The following STXBP4 variants were observed in gnomAD, a reference collection of about 807,000 sequenced individuals.
STXBP4 encodes the protein syntaxin-binding protein 4.
In STXBP4, 55 loss-of-function variants were observed where a neutral mutation model predicts 76.1. That is an observed-to-expected ratio of 0.72 (90% CI 0.58 to 0.91). The LOEUF is 0.91. Ranked by LOEUF, STXBP4 falls within the 40% of genes least tolerant of loss-of-function variation. The pLI is 0.00. For synonymous variants in STXBP4, 201 were observed against 220.2 expected (o/e 0.91, Z 0.77); for missense variants, 618 against 636.9 (o/e 0.97, Z 0.32).
intron 8 of STXBP4, among the ~76,000 whole-genome samples, chr17:55,024,056 A>G (rs576190773): frequency 2.6e-5 from 4 of 152,314 alleles, no homozygotes; most frequent in African/African-American, 9.6e-5. Flanking sequence ...GCAGTTAAAT[A>G]TATGAAAAGA....
At chr17:55,062,100 A>T (rs1040102820) in intron 12 of STXBP4, among the ~76,000 whole-genome samples, 5 of 149,916 alleles carry the variant, frequency 3.3e-5, no homozygotes, top group African/African-American at 4.9e-5. Flanking sequence ...TTTTTTTTTT[A>T]AATATATATT....
At chr17:55,205,468 A>C in the STXBP4 span, among the ~76,000 whole-genome samples, 1 of 152,058 alleles carries the variant, frequency 6.6e-6, no homozygotes, top group Non-Finnish European at 1.5e-5. Flanking sequence ...TGTATAGGGC[A>C]AAAGATACCA....
chr17:54,989,900 G>T (rs1035069334), intron 3 of STXBP4, among the ~76,000 whole-genome samples: 5 of 152,244 alleles, frequency 3.3e-5, no homozygotes, highest in Admixed American at 6.5e-5. Context: ...AAATTAAAAA[G>T]ATAAAATTTG....
chr17:54,969,512 C>CT (rs1367291306), intron 1 of STXBP4, among the ~76,000 whole-genome samples: 2 of 152,220 alleles, frequency 1.3e-5, no homozygotes, highest in Non-Finnish European at 2.9e-5. Flanking sequence ...AGGTCAGTTA[C>CT]TTGTCCTCTA....
downstream of STXBP4, among the ~76,000 whole-genome samples, chr17:55,178,066 C>A (rs1049709754): frequency 2.0e-5 from 3 of 152,164 alleles, no homozygotes; most frequent in Non-Finnish European, 4.4e-5. Flanking sequence ...CATGAAATAT[C>A]ATTGGAGCTT....
chr17:55,092,429 A>G (rs116023140), intron 16 of STXBP4, among the ~76,000 whole-genome samples: 1,759 of 152,360 alleles, frequency 0.012, 33 homozygotes, highest in African/African-American at 0.039. Context: ...TTTATTAACA[A>G]CCATGTAATT....
chr17:55,204,854 A>G, the STXBP4 span, among the ~76,000 whole-genome samples: 1 of 148,094 alleles, frequency 6.8e-6, no homozygotes, highest in East Asian at 1.9e-4. Context: ...AAACACACAT[A>G]CCCCTTCAAA....
chr17:55,003,716 T>C (rs2077957351), intron 7 of STXBP4, among the ~76,000 whole-genome samples: 1 of 152,228 alleles, frequency 6.6e-6, no homozygotes. Context: ...GTTAGAATTT[T>C]TAAAATCCAC....
At chr17:55,135,661 C>T (rs2145135013) in intron 16 of STXBP4, among the ~76,000 whole-genome samples, 1 of 152,116 alleles carries the variant, frequency 6.6e-6, no homozygotes, top group East Asian at 1.9e-4. Context: ...CACTGCAGTT[C>T]AGACCTACAA....
Position 55,090,708 on chromosome 17 carries a change from G to T in STXBP4, c.1489+9525G>T, listed in dbSNP as rs141439465. Among the ~76,000 whole-genome samples, 645 of 152,072 alleles carry T rather than the reference G, an allele frequency of 4.2e-3. 2 individuals carry two copies. Among genetic ancestry groups the T allele is most frequent in the Non-Finnish European group, 7.2e-3 (489 of 68,004 alleles). Reference sequence around the variant, plus strand: ...ACATATAAATATATGATTGTGAAAAGGTCCACAAATAAAGCCAGGAAATAC... The same window carrying T: ...ACATATAAATATATGATTGTGAAAATGTCCACAAATAAAGCCAGGAAATAC... On this transcript the variant is annotated intron_variant, in intron 16 of 17. Transcript: ENST00000376352.
At chr17:55,198,315 G>A in the STXBP4 span, among the ~76,000 whole-genome samples, 2 of 152,148 alleles carry the variant, frequency 1.3e-5, no homozygotes, top group African/African-American at 4.8e-5. Context: ...GAAAGTTGGG[G>A]TTTTCCTTTT....
chr17:55,038,795 G>C (rs534679814), intron 10 of STXBP4, among the ~76,000 whole-genome samples: 40 of 152,014 alleles, frequency 2.6e-4, no homozygotes, highest in African/African-American at 9.4e-4. Flanking sequence ...AAATTATAGA[G>C]AGAACACTAA....
At chr17:55,179,849 A>G in the STXBP4 span, among the ~76,000 whole-genome samples, 1 of 152,182 alleles carries the variant, frequency 6.6e-6, no homozygotes, top group African/African-American at 2.4e-5. Flanking sequence ...TTATTATCAG[A>G]CTCAAAAGTT....
chr17:55,185,601 C>T, the STXBP4 span, among the ~76,000 whole-genome samples: 4 of 152,146 alleles, frequency 2.6e-5, no homozygotes, highest in Non-Finnish European at 5.9e-5. Context: ...ACATGAGCAA[C>T]TTCCAATGGT....
intron 16 of STXBP4, among the ~76,000 whole-genome samples, chr17:55,085,335 G>GTT (rs1247644561): frequency 6.7e-6 from 1 of 149,930 alleles, no homozygotes; most frequent in Non-Finnish European, 1.5e-5. Flanking sequence ...TTGTGCACAT[G>GTT]TACCCTAAAA....
intron 15 of STXBP4, among the ~76,000 whole-genome samples, chr17:55,080,341 G>A (rs1355680064): frequency 6.6e-6 from 1 of 152,272 alleles, no homozygotes; most frequent in South Asian, 2.1e-4. Flanking sequence ...TAAAGGCTAT[G>A]TATTTGAATT....
At chr17:54,973,619 CT>C (rs2144271325) in intron 1 of STXBP4, among the ~76,000 whole-genome samples, 1 of 152,288 alleles carries the variant, frequency 6.6e-6, no homozygotes, top group Admixed American at 6.5e-5. Context: ...TTCTCTAAAG[CT>C]TTAAATGAAT....
chr17:54,986,312 T>A, intron 3 of STXBP4, 46 bp downstream of exon 3: 1 of 1,399,730 alleles, frequency 7.1e-7, no homozygotes, highest in Non-Finnish European at 1.0e-6. Flanking sequence ...TTGAAATATG[T>A]AAACTATTAA....
intron 12 of STXBP4, among the ~76,000 whole-genome samples, chr17:55,055,047 A>C (rs543279163): frequency 6.6e-6 from 1 of 152,304 alleles, no homozygotes; most frequent in African/African-American, 2.4e-5. Context: ...AAAAGTGTTA[A>C]TAGTACCTAC....
Sources: gnomAD v4.1 joint callset for allele counts (sites outside exome capture counted in the v4.1 genomes callset) on GRCh38, gnomAD v4.1.1 for gene constraint, MANE v1.5 for transcripts, NCBI Gene and HGNC (gene_info 2026-07-23, HGNC 2026-07-21) for gene names.